INHBC: variants seen among roughly 807,000 people sequenced by gnomAD.
The protein encoded by INHBC is inhibin subunit beta C, also known as inhibin beta C chain.
In INHBC, 10 loss-of-function variants were observed where a neutral mutation model predicts 12.4. The observed-to-expected ratio is 0.81, with a 90% CI of 0.50 to 1.37. The LOEUF is 1.37. Among genes scored for constraint, INHBC ranks in the 40% most tolerant of loss-of-function variants. INHBC has a pLI of 0.00. For synonymous variants in INHBC, 147 were observed against 171.6 expected (o/e 0.86, Z 1.12); for missense variants, 382 against 439.4 (o/e 0.87, Z 1.17).
chr12:57,439,499 G>T (rs1370341659), intron 1 of INHBC, among the ~76,000 whole-genome samples: 1 of 152,190 alleles, frequency 6.6e-6, no homozygotes, highest in Non-Finnish European at 1.5e-5. Flanking sequence ...TTGTGGCTGA[G>T]TAGTTTTCTC....
In INHBC at chr12:57,450,996, TA is replaced by T. The variant is rs1174727552; in HGVS notation, c.*975del. On this transcript the variant is annotated 3_prime_UTR_variant, in exon 2 of 2. Transcript: ENST00000309668. ...GACAGCTGAAAAGTCCTCTATCTCC[TA>T]CAAGGGCCCTAACTGGCACCCCAGA... Among the ~76,000 whole-genome samples the T allele has an allele frequency of 6.6e-6, 1 of 152,188 alleles. No homozygotes were observed. The highest frequency in any genetic ancestry group is 2.4e-5 in the African/African-American group (1 of 41,450).
intron 1 of INHBC, 61 bp downstream of exon 1, chr12:57,435,260 C>T: frequency 6.8e-7 from 1 of 1,462,900 alleles, no homozygotes. Flanking sequence ...GGAAAAGTTT[C>T]CTCGCCAGAC....
chr12:57,435,005 G>A lies in INHBC; in HGVS notation c.119G>A (p.Arg40Gln), dbSNP rs753619949. The change falls in exon 1 of 2, where the codon CGG (arginine) becomes CAG (glutamine). Residue 40 changes from arginine to glutamine, a missense_variant. Coordinates refer to ENST00000309668, the MANE Select transcript of INHBC (RefSeq NM_005538.4). The part of the protein sequence containing the change: ...GGPTLELESQ[R>Q]ELLLDLAKRS... ...CCCACCTTGGAACTGGAGAGCCAGC[G>A]GGAGCTGCTTCTTGATCTGGCCAAG... The A allele has an allele frequency of 7.4e-6, 12 of 1,614,056 alleles. No individual in the cohort carries two copies. Among genetic ancestry groups the A allele is most frequent in the South Asian group, 2.2e-5 (2 of 91,090 alleles).
At chr12:57,440,108 T>C (rs1283835272) in intron 1 of INHBC, among the ~76,000 whole-genome samples, 2 of 152,176 alleles carry the variant, frequency 1.3e-5, no homozygotes, top group Non-Finnish European at 2.9e-5. Context: ...TGCCCTGAGG[T>C]AATTTCTTAC....
Position 57,450,071 on chromosome 12 carries a change from T to C in INHBC, c.*49T>C. The C allele has an allele frequency of 6.8e-7, 1 of 1,466,418 alleles. No homozygotes were observed. 90.8% of individuals were successfully genotyped at this position (1,466,418 alleles called of 1,614,324 possible). ...AAGGTTGCATGGGAAAACACGCCCC[T>C]ACAGAAGTGCACTTCCTTGAGAGGA... On this transcript the variant is annotated 3_prime_UTR_variant, in exon 2 of 2. Transcript: ENST00000309668.
rs1253378631 is a variant in INHBC at position 57,451,774 on chromosome 12, G to A, written c.*1752G>A. ...GGAAGTTATCCCACCTTTGACTTGAGGAGACCTTCATCTAAGGAGAATCTA... is the reference window on the plus strand; with the variant it reads ...GGAAGTTATCCCACCTTTGACTTGAAGAGACCTTCATCTAAGGAGAATCTA... On this transcript the variant is annotated 3_prime_UTR_variant, in exon 2 of 2. Coordinates refer to ENST00000309668, the MANE Select transcript of INHBC (RefSeq NM_005538.4). 5 of 446,604 alleles carry A rather than the reference G, an allele frequency of 1.1e-5. No homozygotes were observed. Among genetic ancestry groups the A allele is most frequent in the East Asian group, 7.0e-5 (1 of 14,276 alleles). The allele number at this position is 446,604 out of a possible 1,614,324, so 27.7% of individuals were successfully genotyped here. A position where few individuals can be genotyped will look rare whatever the true frequency, so the allele number is the denominator to read the frequency against.
At chr12:57,445,719 C>CA (rs1566550878) in intron 1 of INHBC, among the ~76,000 whole-genome samples, 8 of 141,308 alleles carry the variant, frequency 5.7e-5, no homozygotes, top group African/African-American at 2.1e-4. Flanking sequence ...TGAGACCCCC[C>CA]GCCCATCTCC....
In INHBC at chr12:57,452,043, T is replaced by C. The variant is rs1870727323; in HGVS notation, c.*2021T>C. ...ATGAACAAAATAGCCTACTTTTAAATAAAAACAGGATCAGCATTATTCCCT... is the reference window on the plus strand; with the variant it reads ...ATGAACAAAATAGCCTACTTTTAAACAAAAACAGGATCAGCATTATTCCCT... On this transcript the variant is annotated 3_prime_UTR_variant, in exon 2 of 2. Transcript: ENST00000309668. 6.6e-6 allele frequency among the ~76,000 whole-genome samples: 1 copy of C among 152,216 alleles called. No individual in the cohort carries two copies. The highest frequency in any genetic ancestry group is 2.1e-4 in the South Asian group (1 of 4,826).
At chr12:57,441,905 T>G (rs1287480543) in intron 1 of INHBC, among the ~76,000 whole-genome samples, 6 of 152,068 alleles carry the variant, frequency 3.9e-5, no homozygotes, top group Non-Finnish European at 8.8e-5. Flanking sequence ...GGTCTTGAAC[T>G]CCTGACTTCA....
chr12:57,448,527 C>G (rs1270521705), intron 1 of INHBC, among the ~76,000 whole-genome samples: 1 of 148,768 alleles, frequency 6.7e-6, no homozygotes, highest in Non-Finnish European at 1.5e-5. Context: ...CAACCTCACG[C>G]CACTGCACTC....
intron 1 of INHBC, among the ~76,000 whole-genome samples, chr12:57,440,873 T>G (rs1023306268): frequency 2.0e-5 from 3 of 152,160 alleles, no homozygotes; most frequent in African/African-American, 7.2e-5. Flanking sequence ...TAACAGTTTC[T>G]TCCCTACCCT....
chr12:57,447,611 G>A (rs1250307561), intron 1 of INHBC, among the ~76,000 whole-genome samples: 2 of 150,316 alleles, frequency 1.3e-5, no homozygotes, highest in African/African-American at 2.4e-5. Context: ...TAGGCCAGGC[G>A]CGGTGGCTTA....
At chr12:57,437,931 G>A (rs533976461) in intron 1 of INHBC, among the ~76,000 whole-genome samples, 8 of 151,954 alleles carry the variant, frequency 5.3e-5, no homozygotes, top group African/African-American at 7.2e-5. Flanking sequence ...AACTACAGGC[G>A]AACACCACTA....
chr12:57,435,818 G>A (rs1033693934), intron 1 of INHBC, among the ~76,000 whole-genome samples: 8 of 151,858 alleles, frequency 5.3e-5, no homozygotes, highest in Admixed American at 4.6e-4. Flanking sequence ...CCAGGAGTTC[G>A]AGACCAGCCT....
At chr12:57,435,263 C>T (rs754505003) in intron 1 of INHBC, 64 bp downstream of exon 1, 101 of 1,440,090 alleles carry the variant, frequency 7.0e-5, no homozygotes, top group Non-Finnish European at 8.8e-5. Flanking sequence ...AAAGTTTCCT[C>T]GCCAGACTTA....
intron 1 of INHBC, among the ~76,000 whole-genome samples, chr12:57,437,121 T>C (rs1870360716): frequency 6.6e-6 from 1 of 152,010 alleles, no homozygotes; most frequent in Admixed American, 6.6e-5. Flanking sequence ...TGCGGTGGAG[T>C]GCACCTGCAG....
At chr12:57,446,122 G>C (rs1870571660) in intron 1 of INHBC, among the ~76,000 whole-genome samples, 1 of 151,968 alleles carries the variant, frequency 6.6e-6, no homozygotes, top group Admixed American at 6.6e-5. Flanking sequence ...TTTTAGTAGA[G>C]ACAGGGTTTC....
chr12:57,435,323 A>G (rs1038075309), intron 1 of INHBC, 124 bp downstream of exon 1: 82 of 923,754 alleles, frequency 8.9e-5, no homozygotes, highest in African/African-American at 1.8e-4. Flanking sequence ...CCCACAGGCT[A>G]TAATCTCCTT....
intron 1 of INHBC, among the ~76,000 whole-genome samples, chr12:57,441,112 G>A (rs772387038): frequency 3.3e-5 from 5 of 152,126 alleles, no homozygotes; most frequent in Non-Finnish European, 7.3e-5. Context: ...CCAGCACTTT[G>A]GGAGGCCAAA....
Sources: gnomAD v4.1 joint callset for allele counts (sites outside exome capture counted in the v4.1 genomes callset) on GRCh38, gnomAD v4.1.1 for gene constraint, MANE v1.5 for transcripts, NCBI Gene and HGNC (gene_info 2026-07-23, HGNC 2026-07-21) for gene names.